The following TMEM45B variants were observed in gnomAD, a reference collection of about 807,000 sequenced individuals.
TMEM45B encodes the protein transmembrane protein 45B.
In TMEM45B, 29 loss-of-function variants were observed where a neutral mutation model predicts 27.3. That is an observed-to-expected ratio of 1.06 (90% CI 0.79 to 1.45). The LOEUF (loss-of-function observed/expected upper bound fraction) is 1.45. Ranked by LOEUF, TMEM45B falls within the 40% of genes most tolerant of loss-of-function variation. TMEM45B has a pLI of 0.00. For missense variants in TMEM45B, 348 were observed against 343.9 expected (o/e 1.01, Z -0.09); for synonymous variants, 143 against 134.7 (o/e 1.06, Z -0.43).
intron 1 of TMEM45B, among the ~76,000 whole-genome samples, chr11:129,837,379 G>A (rs1288333271): frequency 3.3e-5 from 5 of 151,558 alleles, no homozygotes; most frequent in African/African-American, 4.8e-5. Context: ...TCTGCCTCCC[G>A]GGTTCAAGAG....
intron 1 of TMEM45B, 67 bp downstream of exon 1, chr11:129,815,965 C>T: frequency 1.6e-6 from 2 of 1,259,948 alleles, no homozygotes; most frequent in Non-Finnish European, 2.0e-6. Flanking sequence ...GGGGCCCCGC[C>T]AAGGAGCGGG....
chr11:129,832,092 C>T (rs1324819214), intron 1 of TMEM45B, among the ~76,000 whole-genome samples: 4 of 126,554 alleles, frequency 3.2e-5, no homozygotes, highest in South Asian at 5.2e-4. Context: ...AAAAAGGATC[C>T]GGACACAGTG....
intron 1 of TMEM45B, among the ~76,000 whole-genome samples, chr11:129,849,150 T>A (rs1040870557): frequency 6.6e-6 from 1 of 152,190 alleles, no homozygotes; most frequent in African/African-American, 2.4e-5. Context: ...CAGAATCTTA[T>A]CTAAGTCAGG....
At chr11:129,852,700 C>G in intron 2 of TMEM45B, 40 bp downstream of exon 2, 3 of 1,565,262 alleles carry the variant, frequency 1.9e-6, no homozygotes, top group African/African-American at 1.4e-5. Flanking sequence ...ATCTCCTCAT[C>G]ATACCCAGAA....
intron 1 of TMEM45B, among the ~76,000 whole-genome samples, chr11:129,843,144 T>C (rs1947716014): frequency 6.6e-6 from 1 of 152,208 alleles, no homozygotes; most frequent in South Asian, 2.1e-4. Flanking sequence ...TTTTGCCATG[T>C]TGGCCAGGCT....
At chr11:129,850,709 G>C (rs1410833824) in intron 1 of TMEM45B, 1 of 152,030 alleles carries the variant, frequency 6.6e-6, no homozygotes, top group Non-Finnish European at 1.5e-5. Context: ...TTCACCATCG[G>C]TATCTCTATC....
At chr11:129,851,270 G>T (rs1243813397) in intron 1 of TMEM45B, among the ~76,000 whole-genome samples, 1 of 152,090 alleles carries the variant, frequency 6.6e-6, no homozygotes, top group Admixed American at 6.6e-5. Context: ...TCGGCCGGGT[G>T]TGGTGGCTCA....
intron 1 of TMEM45B, among the ~76,000 whole-genome samples, chr11:129,848,031 G>T (rs1278826703): frequency 6.6e-6 from 1 of 151,114 alleles, no homozygotes; most frequent in Non-Finnish European, 1.5e-5. Flanking sequence ...TCACTTTCCA[G>T]ACTGGGCAGC....
At chr11:129,856,749 T>TG (rs1947932884) in intron 4 of TMEM45B, among the ~76,000 whole-genome samples, 1 of 150,728 alleles carries the variant, frequency 6.6e-6, no homozygotes, top group Admixed American at 6.6e-5. Flanking sequence ...TTAGTAGAGA[T>TG]GGGGTTTCAC....
At chr11:129,817,083 T>A (rs1489452147) in intron 1 of TMEM45B, among the ~76,000 whole-genome samples, 1 of 152,124 alleles carries the variant, frequency 6.6e-6, no homozygotes, top group Non-Finnish European at 1.5e-5. Context: ...TTCGACCGCT[T>A]TCTGCGGTGT....
rs1947915693 is a variant in TMEM45B at position 129,855,833 on chromosome 11, A to G, written c.511A>G (p.Ile171Val). The G allele has an allele frequency of 3.0e-5, 49 of 1,614,072 alleles. No homozygotes were observed. Among genetic ancestry groups the G allele is most frequent in the Non-Finnish European group, 4.0e-5 (47 of 1,180,008 alleles). ...ISLEVIFRDH[I>V]VLELFRTSLI... ...CCTAGAGGTGATCTTCCGGGACCAC[A>G]TTGTGCTGGAACTTTTCCGAACCAG... Residue 171 changes from isoleucine to valine, a missense_variant, in exon 4 of 6, where the codon ATT (isoleucine) becomes GTT (valine). Ile to Val is a conservative substitution (Grantham distance 29). Coordinates refer to ENST00000281441, the MANE Select transcript of TMEM45B (RefSeq NM_138788.5).
rs751934721 is a variant in TMEM45B at position 129,855,824 on chromosome 11, C to T, written c.502C>T (p.Arg168Trp). Residue 168 changes from arginine to tryptophan, a missense_variant, in exon 4 of 6, where the codon CGG (arginine) becomes TGG (tryptophan). By Grantham distance (101) the Arg-to-Trp change is moderately radical. Transcript: ENST00000281441. Reference sequence around the variant, plus strand: ...TAGTATCTCCCTAGAGGTGATCTTCCGGGACCACATTGTGCTGGAACTTTT... The same window carrying T: ...TAGTATCTCCCTAGAGGTGATCTTCTGGGACCACATTGTGCTGGAACTTTT... ...CVSISLEVIF[R>W]DHIVLELFRT... is the part of the protein sequence containing the mutation. 6.8e-6 allele frequency: 11 copies of T among 1,614,090 alleles called. No individual in the cohort carries two copies. The highest frequency in any genetic ancestry group is 9.3e-6 in the Non-Finnish European group (11 of 1,180,016).
chr11:129,852,694 C>T (rs1333042898), intron 2 of TMEM45B, 34 bp downstream of exon 2: 3 of 1,572,030 alleles, frequency 1.9e-6, no homozygotes, highest in Non-Finnish European at 2.6e-6. Flanking sequence ...TAGGGAATCT[C>T]CTCATCATAC....
chr11:129,821,957 T>A (rs1367340918), intron 1 of TMEM45B, among the ~76,000 whole-genome samples: 1 of 152,186 alleles, frequency 6.6e-6, no homozygotes, highest in South Asian at 2.1e-4. Flanking sequence ...CTGAGTGGTT[T>A]TCTTCTGTTA....
intron 1 of TMEM45B, among the ~76,000 whole-genome samples, chr11:129,845,728 CAG>C (rs1388286089): frequency 6.6e-6 from 1 of 152,068 alleles, no homozygotes; most frequent in Non-Finnish European, 1.5e-5. Flanking sequence ...AATAAAAAGG[CAG>C]AGATTGTCAA....
At chr11:129,857,572 C>G in intron 5 of TMEM45B, 114 bp downstream of exon 5, 1 of 1,207,688 alleles carries the variant, frequency 8.3e-7, no homozygotes, top group South Asian at 1.4e-5. Flanking sequence ...GCAAGGTACT[C>G]TCATGCAGGG....
chr11:129,829,440 A>G (rs1947523051), intron 1 of TMEM45B, among the ~76,000 whole-genome samples: 1 of 152,310 alleles, frequency 6.6e-6, no homozygotes, highest in Non-Finnish European at 1.5e-5. Context: ...GTCAGTCCCA[A>G]TCTGACAAAA....
chr11:129,837,584 G>GTTTTTTTTTTTTTTTTTTTTTTTT (rs1387294363), intron 1 of TMEM45B, among the ~76,000 whole-genome samples: 12 of 34,968 alleles, frequency 3.4e-4, no homozygotes, highest in East Asian at 1.6e-3. Flanking sequence ...ACTGCACTGG[G>GTTTTTTTTTTTTTTTTTTTTTTTT]CTTTTTTTTT....
chr11:129,844,251 C>T (rs915600930), intron 1 of TMEM45B, among the ~76,000 whole-genome samples: 3 of 152,096 alleles, frequency 2.0e-5, no homozygotes, highest in Admixed American at 6.6e-5. Context: ...AATAATCAAA[C>T]TGGATATAAA....
Sources: allele counts gnomAD v4.1 joint callset (sites outside exome capture counted in the v4.1 genomes callset), GRCh38; gene constraint gnomAD v4.1.1; transcripts MANE v1.5; gene names NCBI Gene and HGNC (gene_info 2026-07-23, HGNC 2026-07-21).